Variants in CDKAL1 observed in about 807,000 individuals in gnomAD.
CDKAL1 encodes the protein CDKAL1 threonylcarbamoyladenosine tRNA methylthiotransferase.
CDKAL1 carries 32 observed loss-of-function variants against 68.2 expected under a neutral mutation model. The observed-to-expected ratio is 0.47, with a 90% CI of 0.35 to 0.63. CDKAL1 has a LOEUF of 0.63. Among genes scored for constraint, CDKAL1 ranks in the 30% least tolerant of loss-of-function variants. The pLI, the probability that CDKAL1 is intolerant of heterozygous loss-of-function variation, is 0.00. For missense variants in CDKAL1, 606 were observed against 696.7 expected (o/e 0.87, Z 1.47); for synonymous variants, 234 against 244.3 (o/e 0.96, Z 0.39).
chr6:20,843,978 G>A lies in CDKAL1; in HGVS notation c.639-2097G>A, dbSNP rs563349942. 2.4e-4 allele frequency among the ~76,000 whole-genome samples: 37 copies of A among 151,728 alleles called. 1 individual carries two copies. In the South Asian group the frequency reaches 4.8e-3, roughly 20 times the overall value. ...CATTGACTGGGCCATGGAGACACTC[G>A]AGGAAAAAAAAACAGAGAGAACCCT... On this transcript the variant is annotated intron_variant, in intron 8 of 15. Transcript: ENST00000274695.
chr6:20,987,654 A>G (rs372199746), intron 10 of CDKAL1, among the ~76,000 whole-genome samples: 3 of 152,198 alleles, frequency 2.0e-5, no homozygotes, highest in African/African-American at 4.8e-5. Flanking sequence ...TTTTACCTTC[A>G]TAATTGATAG....
chr6:20,812,933 A>G (rs1341204118), intron 8 of CDKAL1, among the ~76,000 whole-genome samples: 1 of 152,102 alleles, frequency 6.6e-6, no homozygotes, highest in Non-Finnish European at 1.5e-5. Flanking sequence ...TTATATTTAC[A>G]CTAGCAGTTT....
intron 9 of CDKAL1, among the ~76,000 whole-genome samples, chr6:20,886,770 A>G (rs1348758296): frequency 6.6e-6 from 1 of 152,216 alleles, no homozygotes; most frequent in Non-Finnish European, 1.5e-5. Flanking sequence ...CTTAATGGAT[A>G]CAGAGTTTCT....
Position 20,977,613 on chromosome 6 carries a change from C to T in CDKAL1, c.909+22028C>T, listed in dbSNP as rs76618566. ...ATAGGCTGGGCATGGTGCTTCATGC[C>T]TGTCCTGTAATCCCAGCAATTTGGG... is the stretch of plus-strand genomic sequence containing the variant. On this transcript the variant is annotated intron_variant, in intron 10 of 15. Coordinates refer to ENST00000274695, the MANE Select transcript of CDKAL1 (RefSeq NM_017774.3). Among the ~76,000 whole-genome samples, 627 of 152,222 alleles carry T rather than the reference C, an allele frequency of 4.1e-3. 5 individuals are homozygous for T. Among genetic ancestry groups the T allele is most frequent in the African/African-American group, 0.014 (598 of 41,534 alleles).
chr6:20,992,517 A>G (rs1258351569), intron 10 of CDKAL1, among the ~76,000 whole-genome samples: 1 of 152,222 alleles, frequency 6.6e-6, no homozygotes, highest in Non-Finnish European at 1.5e-5. Flanking sequence ...AGTCAAGCTA[A>G]TATAATTCAG....
chr6:21,001,919 G>C lies in CDKAL1; in HGVS notation c.1055+1547G>C, dbSNP rs1392583510. Among the ~76,000 whole-genome samples, 5 of 152,110 alleles carry C rather than the reference G, an allele frequency of 3.3e-5. No homozygotes were observed. In the South Asian group the frequency reaches 6.2e-4, roughly 19 times the overall value. On this transcript the variant is annotated intron_variant, in intron 11 of 15. Transcript: ENST00000274695. ...TTCCCAAGTATAAACATGCATCCCG[G>C]GTGCAGAATAGACTAGAACACTTTC...
chr6:20,788,912 C>G (rs900971716), intron 8 of CDKAL1, among the ~76,000 whole-genome samples: 1 of 152,182 alleles, frequency 6.6e-6, no homozygotes, highest in Non-Finnish European at 1.5e-5. Context: ...TCTCCTGTAG[C>G]TTTCAGCGCA....
At chr6:20,583,360 T>G (rs1364091171) in intron 4 of CDKAL1, among the ~76,000 whole-genome samples, 1 of 152,238 alleles carries the variant, frequency 6.6e-6, no homozygotes, top group Non-Finnish European at 1.5e-5. Flanking sequence ...ACTCTTACTT[T>G]GAATGTAAGA....
At chr6:21,134,752 A>C (rs1356565207) in intron 13 of CDKAL1, among the ~76,000 whole-genome samples, 3 of 152,186 alleles carry the variant, frequency 2.0e-5, no homozygotes, top group Non-Finnish European at 4.4e-5. Flanking sequence ...AACAGAAATT[A>C]TATAAAATGT....
intron 10 of CDKAL1, among the ~76,000 whole-genome samples, chr6:20,969,099 T>C (rs1765465016): frequency 6.6e-6 from 1 of 152,178 alleles, no homozygotes; most frequent in Non-Finnish European, 1.5e-5. Context: ...TTTGGTGACT[T>C]TTCTGAATTA....
intron 15 of CDKAL1, among the ~76,000 whole-genome samples, chr6:21,202,877 C>A (rs920975049): frequency 6.6e-6 from 1 of 152,174 alleles, no homozygotes; most frequent in Non-Finnish European, 1.5e-5. Flanking sequence ...AGTTCTACCA[C>A]CAGCCCAGCT....
intron 13 of CDKAL1, among the ~76,000 whole-genome samples, chr6:21,110,261 C>T (rs1433691158): frequency 2.6e-5 from 4 of 152,186 alleles, no homozygotes; most frequent in Non-Finnish European, 1.5e-5. Context: ...AGCTCCCGGC[C>T]TCCTTAGTAG....
At chr6:20,833,504 A>G (rs907984252) in intron 8 of CDKAL1, among the ~76,000 whole-genome samples, 1 of 151,810 alleles carries the variant, frequency 6.6e-6, no homozygotes, top group Non-Finnish European at 1.5e-5. Context: ...GGTGGTATAT[A>G]CTCCTCTCTG....
intron 13 of CDKAL1, among the ~76,000 whole-genome samples, chr6:21,182,113 A>T (rs1777814359): frequency 6.6e-6 from 1 of 152,214 alleles, no homozygotes; most frequent in Non-Finnish European, 1.5e-5. Flanking sequence ...ACAAAAGTCT[A>T]TGTGAAAGTG....
chr6:20,958,104 A>G (rs767174500), intron 10 of CDKAL1, among the ~76,000 whole-genome samples: 1 of 152,200 alleles, frequency 6.6e-6, no homozygotes, highest in Non-Finnish European at 1.5e-5. Flanking sequence ...ATGAGCTTCA[A>G]GGGTGAGAAT....
chr6:21,117,909 T>G (rs995065948), intron 13 of CDKAL1, among the ~76,000 whole-genome samples: 28 of 152,216 alleles, frequency 1.8e-4, no homozygotes, highest in African/African-American at 6.5e-4. Flanking sequence ...CTAACACGTG[T>G]GTCAGCTACA....
At chr6:20,997,426 A>T (rs1442041270) in intron 10 of CDKAL1, among the ~76,000 whole-genome samples, 1 of 151,950 alleles carries the variant, frequency 6.6e-6, no homozygotes, top group Non-Finnish European at 1.5e-5. Context: ...GACTTTAATT[A>T]AGGGGCAAGT....
chr6:20,563,423 T>G (rs1764342109), intron 4 of CDKAL1, among the ~76,000 whole-genome samples: 1 of 152,228 alleles, frequency 6.6e-6, no homozygotes, highest in Non-Finnish European at 1.5e-5. Flanking sequence ...TATTTGAAGC[T>G]TATCATTTCC....
At chr6:20,651,634 G>GGT (rs1768775520) in intron 5 of CDKAL1, among the ~76,000 whole-genome samples, 1 of 151,994 alleles carries the variant, frequency 6.6e-6, no homozygotes, top group Non-Finnish European at 1.5e-5. Context: ...TCTTGTGCCC[G>GGT]TTTTCAAAGG....
Sources: allele counts gnomAD v4.1 joint callset (sites outside exome capture counted in the v4.1 genomes callset), GRCh38; gene constraint gnomAD v4.1.1; transcripts MANE v1.5; gene names NCBI Gene and HGNC (gene_info 2026-07-23, HGNC 2026-07-21).